The following MAPK10 variants were observed in gnomAD, a reference collection of about 807,000 sequenced individuals.
MAPK10 encodes JNK3 alpha protein kinase.
MAPK10 carries 25 observed loss-of-function variants against 59.3 expected under a neutral mutation model. That is an observed-to-expected ratio of 0.42 (90% CI 0.31 to 0.59). The LOEUF (loss-of-function observed/expected upper bound fraction) is 0.59, where lower values mean the gene tolerates loss of function less well. Among genes scored for constraint, MAPK10 ranks in the 20% least tolerant of loss-of-function variants. The pLI, the probability that MAPK10 is intolerant of heterozygous loss-of-function variation, is 0.15. For missense variants in MAPK10, 351 were observed against 568.9 expected (o/e 0.62, Z 3.90); for synonymous variants, 190 against 200.5 (o/e 0.95, Z 0.44).
At chr4:86,250,849 T>C (rs1316190622) in intron 2 of MAPK10, among the ~76,000 whole-genome samples, 1 of 152,192 alleles carries the variant, frequency 6.6e-6, no homozygotes, top group African/African-American at 2.4e-5. Flanking sequence ...CCAGGGGACA[T>C]GACAGATTGA....
At chr4:86,115,072 C>A (rs1430782110) in intron 4 of MAPK10, among the ~76,000 whole-genome samples, 1 of 152,224 alleles carries the variant, frequency 6.6e-6, no homozygotes, top group Non-Finnish European at 1.5e-5. Context: ...CTGGCCACCC[C>A]TTCCCCAGGC....
chr4:86,521,282 G>C (rs901545322), intron 1 of MAPK10, among the ~76,000 whole-genome samples: 2 of 152,156 alleles, frequency 1.3e-5, no homozygotes, highest in Non-Finnish European at 2.9e-5. Context: ...GTAGAAGGGG[G>C]ATATAATCTT....
chr4:86,339,793 C>G (rs544443771), intron 2 of MAPK10, among the ~76,000 whole-genome samples: 16 of 152,244 alleles, frequency 1.1e-4, no homozygotes, highest in African/African-American at 3.9e-4. Flanking sequence ...AATAAGTTCT[C>G]CATAAGTATT....
intron 9 of MAPK10, among the ~76,000 whole-genome samples, chr4:86,086,923 C>T (rs1332801552): frequency 6.6e-6 from 1 of 152,136 alleles, no homozygotes; most frequent in Non-Finnish European, 1.5e-5. Context: ...AGCCCACGAT[C>T]AGAAGACATA....
chr4:86,570,588 G>C (rs957988794), intron 1 of MAPK10, among the ~76,000 whole-genome samples: 8 of 152,100 alleles, frequency 5.3e-5, no homozygotes, highest in Non-Finnish European at 8.8e-5. Context: ...TTTACTTGCT[G>C]TAAACTTCAC....
At chr4:86,279,516 G>A (rs2094714105) in intron 2 of MAPK10, among the ~76,000 whole-genome samples, 1 of 152,156 alleles carries the variant, frequency 6.6e-6, no homozygotes, top group Admixed American at 6.5e-5. Flanking sequence ...AAATAAATGA[G>A]TTAATATATG....
At chr4:86,176,749 T>C (rs1360676701) in intron 3 of MAPK10, among the ~76,000 whole-genome samples, 1 of 152,122 alleles carries the variant, frequency 6.6e-6, no homozygotes, top group Non-Finnish European at 1.5e-5. Context: ...AAAAACCTAA[T>C]GTCAAGCAAC....
intron 1 of MAPK10, among the ~76,000 whole-genome samples, chr4:86,535,232 A>G (rs571906917): frequency 6.6e-6 from 1 of 152,352 alleles, no homozygotes; most frequent in South Asian, 2.1e-4. Context: ...TACCAAAGCC[A>G]GAAAGTTCCA....
intron 4 of MAPK10, among the ~76,000 whole-genome samples, chr4:86,134,821 G>A (rs1014551719): frequency 2.0e-5 from 3 of 152,022 alleles, no homozygotes; most frequent in Non-Finnish European, 2.9e-5. Context: ...CAGGTCAGTG[G>A]GTGCACGCAC....
intron 11 of MAPK10, among the ~76,000 whole-genome samples, chr4:86,052,479 G>A (rs546456265): frequency 6.6e-6 from 1 of 152,044 alleles, no homozygotes; most frequent in Non-Finnish European, 1.5e-5. Flanking sequence ...ATTATTGATA[G>A]AAAATTTTGG....
chr4:86,392,272 C>G (rs1742311780), intron 1 of MAPK10: 1 of 152,200 alleles, frequency 6.6e-6, no homozygotes, highest in Non-Finnish European at 1.5e-5. Context: ...AACTCCATCT[C>G]TACTAAAAAT....
At chr4:86,088,771 T>A (rs1304303271) in intron 9 of MAPK10, among the ~76,000 whole-genome samples, 1 of 152,176 alleles carries the variant, frequency 6.6e-6, no homozygotes, top group Non-Finnish European at 1.5e-5. Flanking sequence ...TTAGTATTTG[T>A]GGAGGAACAT....
At chr4:86,424,773 T>C (rs1418550804) in intron 1 of MAPK10, among the ~76,000 whole-genome samples, 1 of 152,260 alleles carries the variant, frequency 6.6e-6, no homozygotes, top group East Asian at 1.9e-4. Flanking sequence ...GGACTCCTGC[T>C]AATCTGAAAA....
intron 1 of MAPK10, among the ~76,000 whole-genome samples, chr4:86,439,165 A>G (rs1749127060): frequency 6.6e-6 from 1 of 152,122 alleles, no homozygotes; most frequent in South Asian, 2.1e-4. Context: ...GTACAGGTCT[A>G]TGAGTTTTGA....
At chr4:86,429,472 T>C (rs1675837054) in intron 1 of MAPK10, among the ~76,000 whole-genome samples, 1 of 152,206 alleles carries the variant, frequency 6.6e-6, no homozygotes, top group African/African-American at 2.4e-5. Flanking sequence ...TATTATCATA[T>C]ATAATTAGAT....
At chr4:86,318,304 G>C (rs1170141199) in intron 2 of MAPK10, among the ~76,000 whole-genome samples, 1 of 152,100 alleles carries the variant, frequency 6.6e-6, no homozygotes, top group Non-Finnish European at 1.5e-5. Context: ...ATATTCTCCA[G>C]TGAGTTTTCG....
At chr4:86,474,855 A>G (rs1752943246) in intron 1 of MAPK10, among the ~76,000 whole-genome samples, 1 of 152,218 alleles carries the variant, frequency 6.6e-6, no homozygotes, top group Admixed American at 6.5e-5. Flanking sequence ...TAACTGAAGA[A>G]TCACAAAAGA....
At chr4:86,246,146 G>A (rs1472215997) in intron 2 of MAPK10, among the ~76,000 whole-genome samples, 1 of 152,134 alleles carries the variant, frequency 6.6e-6, no homozygotes, top group Non-Finnish European at 1.5e-5. Context: ...AAGTCAAGTT[G>A]TTGGGCCAGG....
intron 2 of MAPK10, among the ~76,000 whole-genome samples, chr4:86,335,864 G>A (rs1720983368): frequency 1.3e-5 from 2 of 152,078 alleles, no homozygotes. Flanking sequence ...AACAGCATGG[G>A]GGAAACCGCC....
Sources: gnomAD v4.1 joint callset for allele counts (sites outside exome capture counted in the v4.1 genomes callset) on GRCh38, gnomAD v4.1.1 for gene constraint, MANE v1.5 for transcripts, NCBI Gene and HGNC (gene_info 2026-07-23, HGNC 2026-07-21) for gene names.